TBC1D1: variants seen among roughly 807,000 people sequenced by gnomAD.
The protein encoded by TBC1D1 is TBC1 domain family member 1.
Under a neutral mutation model 125.6 loss-of-function variants are expected in TBC1D1, and 89 were observed. The ratio of observed to expected loss-of-function variants is 0.71; its 90% CI spans 0.60 to 0.85. The LOEUF (loss-of-function observed/expected upper bound fraction) is 0.85, where lower values mean the gene tolerates loss of function less well. Ranked by LOEUF, TBC1D1 falls within the 40% of genes least tolerant of loss-of-function variation. TBC1D1 has a pLI of 0.00. For missense variants in TBC1D1, 1,377 were observed against 1,469.2 expected (o/e 0.94, Z 1.03); for synonymous variants, 565 against 564.1 (o/e 1.00, Z -0.02).
chr4:37,939,598 A>G (rs767157482), intron 2 of TBC1D1, among the ~76,000 whole-genome samples: 4 of 152,190 alleles, frequency 2.6e-5, no homozygotes, highest in Non-Finnish European at 2.9e-5. Flanking sequence ...GTCCTTGCCC[A>G]TGCCTATGTC....
At chr4:37,910,066 T>C (rs1718263356) in intron 2 of TBC1D1, among the ~76,000 whole-genome samples, 1 of 152,252 alleles carries the variant, frequency 6.6e-6, no homozygotes, top group Non-Finnish European at 1.5e-5. Flanking sequence ...GTCTGTGGGC[T>C]CCAGAAGCAT....
intron 1 of TBC1D1, among the ~76,000 whole-genome samples, chr4:37,899,415 C>T (rs1208553081): frequency 6.6e-6 from 1 of 152,118 alleles, no homozygotes; most frequent in Non-Finnish European, 1.5e-5. Context: ...TCCGTGGGAG[C>T]AGAACACTTG....
chr4:37,953,395 T>G (rs1478509028), intron 2 of TBC1D1, among the ~76,000 whole-genome samples: 1 of 152,254 alleles, frequency 6.6e-6, no homozygotes, highest in African/African-American at 2.4e-5. Context: ...GGAGAGGCAC[T>G]GCATGTCATT....
intron 2 of TBC1D1, among the ~76,000 whole-genome samples, chr4:37,958,424 T>C (rs6817139): frequency 1.8e-4 from 27 of 152,354 alleles, no homozygotes; most frequent in African/African-American, 6.3e-4. Flanking sequence ...ACAGTTAATT[T>C]TTCCTCGTAG....
intron 12 of TBC1D1, among the ~76,000 whole-genome samples, chr4:38,083,195 T>C (rs1266055591): frequency 6.6e-6 from 1 of 152,198 alleles, no homozygotes; most frequent in Non-Finnish European, 1.5e-5. Flanking sequence ...GTTAAAGTGC[T>C]AAAGAATGTA....
chr4:38,110,316 C>T, intron 15 of TBC1D1: 1 of 982,530 alleles, frequency 1.0e-6, no homozygotes, highest in Non-Finnish European at 1.2e-6. Context: ...CATTCTTGAC[C>T]TGCTGCTTAT....
At chr4:37,996,602 G>T (rs1009909933) in intron 2 of TBC1D1, among the ~76,000 whole-genome samples, 2 of 152,260 alleles carry the variant, frequency 1.3e-5, no homozygotes, top group African/African-American at 4.8e-5. Flanking sequence ...ACTCAAGAAT[G>T]CAGTTAGTGC....
intron 11 of TBC1D1, among the ~76,000 whole-genome samples, chr4:38,051,578 C>T (rs1435874726): frequency 6.6e-6 from 1 of 151,878 alleles, no homozygotes; most frequent in Admixed American, 6.6e-5. Flanking sequence ...TTCAAGGTCA[C>T]AGTCAGCTGT....
chr4:37,990,319 GT>G (rs200009632), intron 2 of TBC1D1, among the ~76,000 whole-genome samples: 179 of 148,458 alleles, frequency 1.2e-3, no homozygotes, highest in Middle Eastern at 3.5e-3. Context: ...AAAACATTGA[GT>G]TTTTTTTTTT....
intron 2 of TBC1D1, among the ~76,000 whole-genome samples, chr4:37,939,635 A>C (rs984210079): frequency 7.9e-5 from 12 of 152,010 alleles, no homozygotes; most frequent in African/African-American, 2.7e-4. Flanking sequence ...AGGTTTTCTT[A>C]GAGGGTTTTT....
At chr4:38,046,962 C>T (rs1749607700) in intron 10 of TBC1D1, among the ~76,000 whole-genome samples, 1 of 152,144 alleles carries the variant, frequency 6.6e-6, no homozygotes, top group African/African-American at 2.4e-5. Context: ...TGCCATCCCT[C>T]CTAGACATAT....
intron 17 of TBC1D1, chr4:38,118,498 C>A: frequency 3.5e-6 from 1 of 283,468 alleles, no homozygotes; most frequent in Non-Finnish European, 6.6e-6. Flanking sequence ...GCTGAGGAGC[C>A]ACAGGTGTAT....
Position 37,995,947 on chromosome 4 carries a change from G to A in TBC1D1, c.418-18562G>A. 1.7e-6 allele frequency: 1 copy of A among 572,672 alleles called. No individual in the cohort carries two copies. Among genetic ancestry groups the A allele is most frequent in the East Asian group, 4.9e-5 (1 of 20,242 alleles). The allele number at this position is 572,672 out of a possible 1,614,324, so 35.5% of individuals were successfully genotyped here. A position where few individuals can be genotyped will look rare whatever the true frequency, so the allele number is the denominator to read the frequency against. On this transcript the variant is annotated intron_variant, in intron 2 of 19. Transcript: ENST00000261439. This position sits in a 1 kb window ranked among gnomAD's most constrained non-coding sequence, Gnocchi z 4.3. ...TTCCCAGGGAGAAATCCACACTCAA[G>A]GACTTCTTTCTTCTCTTGCCTCTCT...
intron 2 of TBC1D1, among the ~76,000 whole-genome samples, chr4:37,990,072 G>A (rs1736244553): frequency 6.6e-6 from 1 of 152,190 alleles, no homozygotes; most frequent in Non-Finnish European, 1.5e-5. Flanking sequence ...TAAAGGGTGG[G>A]CCCAAAGGAA....
intron 3 of TBC1D1, among the ~76,000 whole-genome samples, chr4:38,017,509 G>A (rs1340945617): frequency 3.3e-5 from 5 of 152,186 alleles, no homozygotes; most frequent in Non-Finnish European, 4.4e-5. Flanking sequence ...CAGAATGCAC[G>A]TTTCTTGGGC....
intron 12 of TBC1D1, among the ~76,000 whole-genome samples, 200 bp downstream of exon 14, chr4:38,054,538 A>G (rs1751329157): frequency 6.6e-6 from 1 of 152,232 alleles, no homozygotes; most frequent in African/African-American, 2.4e-5. Context: ...AATTTAGGGT[A>G]ACCTCTCCAT....
chr4:37,929,235 T>C (rs2152285968), intron 2 of TBC1D1, among the ~76,000 whole-genome samples: 1 of 152,328 alleles, frequency 6.6e-6, no homozygotes, highest in East Asian at 1.9e-4. Flanking sequence ...GTCCAGCTCT[T>C]GAATTGGAAA....
At position 38,027,888 on chromosome 4, in the gene TBC1D1, C is replaced by A; in HGVS notation, c.1302+9C>A. On this transcript the variant is annotated intron_variant, in intron 7 of 19. Coordinates refer to ENST00000261439, the MANE Select transcript of TBC1D1 (RefSeq NM_015173.4). ...TTTTTGAAGAGGTTCAGGTACAGTACAGTTGCTAATTTCTAGAAGGAAAGA... is the reference window on the plus strand; with the variant it reads ...TTTTTGAAGAGGTTCAGGTACAGTAAAGTTGCTAATTTCTAGAAGGAAAGA... 6.4e-7 allele frequency: 1 copy of A among 1,562,058 alleles called. No homozygotes were observed. The highest frequency in any genetic ancestry group is 1.2e-5 in the South Asian group (1 of 83,704).
intron 12 of TBC1D1, among the ~76,000 whole-genome samples, chr4:38,080,777 C>T (rs1756409045): frequency 2.6e-5 from 4 of 152,140 alleles, no homozygotes; most frequent in Admixed American, 2.0e-4. Context: ...GACCCCTTGG[C>T]ACACAGACCT....
Sources: gnomAD v4.1 joint callset for allele counts (sites outside exome capture counted in the v4.1 genomes callset) on GRCh38, gnomAD v4.1.1 for gene constraint, Gnocchi (gnomAD v3.1) non-coding constraint, MANE v1.5 for transcripts, NCBI Gene and HGNC (gene_info 2026-07-23, HGNC 2026-07-21) for gene names.